Variants in KHDRBS2 observed in about 807,000 individuals in gnomAD.
KHDRBS2 encodes KH domain-containing, RNA-binding, signal transduction-associated protein 2.
Under a neutral mutation model 44.3 loss-of-function variants are expected in KHDRBS2, and 26 were observed. The ratio of observed to expected loss-of-function variants is 0.59; its 90% CI spans 0.43 to 0.81. KHDRBS2 has a LOEUF of 0.81. Ranked by LOEUF, KHDRBS2 falls within the 40% of genes least tolerant of loss-of-function variation. KHDRBS2 has a pLI of 0.00. For missense variants in KHDRBS2, 476 were observed against 433.1 expected (o/e 1.10, Z -0.88); for synonymous variants, 194 against 151.1 (o/e 1.28, Z -2.08).
Position 61,704,015 on chromosome 6 carries a change from T to C in KHDRBS2, c.894-6762A>G, listed in dbSNP as rs370519116. Among the ~76,000 whole-genome samples, 6 of 152,026 alleles carry C rather than the reference T, an allele frequency of 3.9e-5. No homozygotes were observed. The East Asian group carries it at 1.2e-3, about 30-fold the overall frequency. Reference sequence around the variant, plus strand: ...AACCTATACCTATGGAATGCTTATGTTGGAAAACCTATTTGCAGGTAGGTT... The same window carrying C: ...AACCTATACCTATGGAATGCTTATGCTGGAAAACCTATTTGCAGGTAGGTT... On this transcript the variant is annotated intron_variant, in intron 7 of 8. Transcript: ENST00000281156.
intron 3 of KHDRBS2, among the ~76,000 whole-genome samples, chr6:62,002,570 C>G (rs1405904352): frequency 6.6e-6 from 1 of 151,096 alleles, no homozygotes; most frequent in Non-Finnish European, 1.5e-5. Context: ...CTATATTACT[C>G]TTTTTAAAAA....
chr6:61,583,152 G>C, the KHDRBS2 span, among the ~76,000 whole-genome samples: 1 of 151,660 alleles, frequency 6.6e-6, no homozygotes. Context: ...TCAATGAACT[G>C]ATATCTCTGA....
chr6:61,992,629 G>A (rs926188739), intron 3 of KHDRBS2, among the ~76,000 whole-genome samples: 10 of 152,192 alleles, frequency 6.6e-5, no homozygotes, highest in African/African-American at 1.9e-4. Context: ...GCGTGCGCAC[G>A]CTTATATGTG....
intron 5 of KHDRBS2, among the ~76,000 whole-genome samples, chr6:61,897,883 C>T (rs1456439451): frequency 1.3e-5 from 2 of 151,972 alleles, no homozygotes; most frequent in Admixed American, 6.6e-5. Flanking sequence ...AAATTTACCC[C>T]GATGTTTCGT....
At chr6:62,155,756 C>T (rs1584981484) in intron 2 of KHDRBS2, among the ~76,000 whole-genome samples, 1 of 152,276 alleles carries the variant, frequency 6.6e-6, no homozygotes, top group South Asian at 2.1e-4. Context: ...AGAAGCTATT[C>T]CCATATCCGT....
chr6:61,568,952 T>C, the KHDRBS2 span, among the ~76,000 whole-genome samples: 1 of 108,914 alleles, frequency 9.2e-6, no homozygotes, highest in Non-Finnish European at 2.0e-5. Context: ...ACTGCAGATA[T>C]AAGCATAGGA....
intron 2 of KHDRBS2, among the ~76,000 whole-genome samples, chr6:62,093,901 A>T (rs1425776214): frequency 6.8e-5 from 8 of 118,046 alleles, no homozygotes; most frequent in Admixed American, 5.0e-4. Flanking sequence ...TGTATATCAC[A>T]TTTTCTTTAT....
rs1210404468 is a variant in KHDRBS2, at chr6:62,172,014, C to T, written c.219+5171G>A. ...GACCATTTACACTATCAAGCAACTA[C>T]ACAATCAAGTCTGCATAATAACTAC... On this transcript the variant is annotated intron_variant, in intron 2 of 8. Coordinates refer to ENST00000281156, the MANE Select transcript of KHDRBS2 (RefSeq NM_152688.4). Among the ~76,000 whole-genome samples the T allele has an allele frequency of 4.6e-5, 7 of 152,170 alleles. 1 individual carries two copies. Among genetic ancestry groups the T allele is most frequent in the Admixed American group, 4.6e-4 (7 of 15,254 alleles).
intron 4 of KHDRBS2, among the ~76,000 whole-genome samples, chr6:61,934,474 T>G (rs1810667214): frequency 6.6e-6 from 1 of 152,156 alleles, no homozygotes; most frequent in South Asian, 2.1e-4. Flanking sequence ...ATAGAGTATA[T>G]GCATTGTCAG....
intron 3 of KHDRBS2, among the ~76,000 whole-genome samples, chr6:62,022,127 G>C (rs543898485): frequency 6.6e-6 from 1 of 151,318 alleles, no homozygotes; most frequent in African/African-American, 2.4e-5. Context: ...ATTTAACATT[G>C]AAAGTAGATT....
At chr6:61,726,918 A>T (rs1252984518) in intron 7 of KHDRBS2, among the ~76,000 whole-genome samples, 3 of 152,194 alleles carry the variant, frequency 2.0e-5, no homozygotes, top group Non-Finnish European at 4.4e-5. Context: ...ATTAGAAAAA[A>T]ATATTTTAAA....
chr6:62,201,623 C>T (rs1282776257), intron 1 of KHDRBS2, among the ~76,000 whole-genome samples: 2 of 151,928 alleles, frequency 1.3e-5, no homozygotes, highest in African/African-American at 4.8e-5. Flanking sequence ...AACTAATTTG[C>T]AAATTCAAAG....
At chr6:62,062,920 GACGCAATAAAAAATGATAAA>G (rs1485953317) in intron 2 of KHDRBS2, among the ~76,000 whole-genome samples, 1 of 149,268 alleles carries the variant, frequency 6.7e-6, no homozygotes, top group African/African-American at 2.4e-5. Context: ...GAATCAAATA[GACGCAATAAAAAATGATAAA>G]GGGGATATCA....
chr6:62,254,936 A>C lies in KHDRBS2; in HGVS notation c.91+30922T>G, dbSNP rs1336183749. ...CATGTAAAGTATTAGTAAAGTACAC[A>C]GCACATTGTATATCCAAAATAAATG... On this transcript the variant is annotated intron_variant, in intron 1 of 8. Coordinates refer to ENST00000281156, the MANE Select transcript of KHDRBS2 (RefSeq NM_152688.4). Among the ~76,000 whole-genome samples, 9 of 152,238 alleles carry C rather than the reference A, an allele frequency of 5.9e-5. No homozygotes were observed. The East Asian group carries it at 1.6e-3, about 26-fold the overall frequency.
chr6:62,072,284 C>A (rs1228433236), intron 2 of KHDRBS2, among the ~76,000 whole-genome samples: 2 of 152,158 alleles, frequency 1.3e-5, no homozygotes, highest in East Asian at 1.9e-4. Flanking sequence ...ATGTCATCTG[C>A]AAACAGGGAC....
intron 6 of KHDRBS2, among the ~76,000 whole-genome samples, chr6:61,805,605 C>T (rs1166239943): frequency 6.6e-6 from 1 of 152,206 alleles, no homozygotes; most frequent in East Asian, 1.9e-4. Context: ...ACTTAATTGA[C>T]TCACAGTTCT....
At chr6:61,632,173 T>G in the KHDRBS2 span, among the ~76,000 whole-genome samples, 1 of 152,102 alleles carries the variant, frequency 6.6e-6, no homozygotes, top group Non-Finnish European at 1.5e-5. Flanking sequence ...GTATTATGAG[T>G]ATGGCCAATA....
intron 2 of KHDRBS2, among the ~76,000 whole-genome samples, chr6:62,148,244 AG>A (rs1814351500): frequency 6.6e-6 from 1 of 152,052 alleles, no homozygotes. Flanking sequence ...TCGAGTTCTT[AG>A]TACTCATAAA....
intron 2 of KHDRBS2, among the ~76,000 whole-genome samples, chr6:62,166,325 A>G (rs1033448841): frequency 1.3e-5 from 2 of 152,006 alleles, no homozygotes; most frequent in Non-Finnish European, 1.5e-5. Flanking sequence ...CAGTTTTCCA[A>G]TTGGTATTCA....
Sources: gnomAD v4.1 joint callset for allele counts (sites outside exome capture counted in the v4.1 genomes callset) on GRCh38, gnomAD v4.1.1 for gene constraint, MANE v1.5 for transcripts, NCBI Gene and HGNC (gene_info 2026-07-23, HGNC 2026-07-21) for gene names.